The following SHISA9 variants were observed in gnomAD, a reference collection of about 807,000 sequenced individuals.
The protein encoded by SHISA9 is shisa family member 9, also known as protein shisa-9.
A neutral mutation model predicts 38.0 loss-of-function variants in SHISA9; 13 were observed. The observed-to-expected ratio is 0.34, with a 90% CI of 0.22 to 0.54. The LOEUF (loss-of-function observed/expected upper bound fraction) is 0.54. Among genes scored for constraint, SHISA9 ranks in the 20% least tolerant of loss-of-function variants. SHISA9 has a pLI of 0.91. For missense variants in SHISA9, 538 were observed against 575.8 expected, an observed-to-expected ratio of 0.93 and a Z score of 0.67; for synonymous variants, 275 against 242.0, an observed-to-expected ratio of 1.14 and a Z score of -1.27.
the SHISA9 span, among the ~76,000 whole-genome samples, chr16:13,556,962 G>T: frequency 6.6e-6 from 1 of 152,152 alleles, no homozygotes; most frequent in South Asian, 2.1e-4. Flanking sequence ...AACATTTGTG[G>T]ATTTTGATAT....
At chr16:13,326,149 G>C in the SHISA9 span, among the ~76,000 whole-genome samples, 1 of 151,460 alleles carries the variant, frequency 6.6e-6, no homozygotes, top group African/African-American at 2.4e-5. Flanking sequence ...TAATCAGACA[G>C]AGAGAGAAAA....
the SHISA9 span, among the ~76,000 whole-genome samples, chr16:13,538,113 G>A: frequency 2.4e-4 from 36 of 152,132 alleles, no homozygotes; most frequent in African/African-American, 8.2e-4. Flanking sequence ...TGTTATCTGC[G>A]ATCTACTAGA....
chr16:12,975,664 G>C (rs558512741), intron 2 of SHISA9, among the ~76,000 whole-genome samples: 1 of 139,804 alleles, frequency 7.2e-6, no homozygotes, highest in Non-Finnish European at 1.6e-5. Flanking sequence ...GGCGGGGGGG[G>C]TAAGGGCATG....
At chr16:13,081,824 C>T (rs1476480745) in intron 2 of SHISA9, among the ~76,000 whole-genome samples, 1 of 150,524 alleles carries the variant, frequency 6.6e-6, no homozygotes, top group African/African-American at 2.5e-5. Flanking sequence ...TGCACTCCAA[C>T]CTGGGTGATA....
chr16:12,909,297 T>A (rs1324731889), intron 1 of SHISA9: 2 of 985,224 alleles, frequency 2.0e-6, no homozygotes. Flanking sequence ...TGTCTATACC[T>A]GTGTAATCAT....
intron 2 of SHISA9, among the ~76,000 whole-genome samples, chr16:12,976,678 C>T (rs1032551534): frequency 5.1e-4 from 77 of 150,764 alleles, no homozygotes; most frequent in African/African-American, 1.6e-3. Flanking sequence ...CTTTCTATTT[C>T]GAGTGTGCCT....
At chr16:13,450,042 G>T in the SHISA9 span, among the ~76,000 whole-genome samples, 5 of 152,092 alleles carry the variant, frequency 3.3e-5, no homozygotes, top group African/African-American at 1.2e-4. Flanking sequence ...GCTTGAACCT[G>T]GGAGGTGGAG....
At chr16:12,915,697 C>G (rs1252961664) in intron 1 of SHISA9, among the ~76,000 whole-genome samples, 1 of 152,148 alleles carries the variant, frequency 6.6e-6, no homozygotes, top group Non-Finnish European at 1.5e-5. Flanking sequence ...TGACGGAATA[C>G]TATGCAGCGG....
chr16:13,127,221 G>A (rs2050267784), intron 2 of SHISA9, among the ~76,000 whole-genome samples: 1 of 139,666 alleles, frequency 7.2e-6, no homozygotes. Context: ...GGGAAAGAGA[G>A]GGAGGGGGAG....
chr16:13,379,677 T>C, the SHISA9 span, among the ~76,000 whole-genome samples: 148,675 of 152,332 alleles, frequency 0.98, 72,561 homozygotes, highest in East Asian at 1. Context: ...GCACATGGTA[T>C]TTCGAATTCC....
intron 2 of SHISA9, among the ~76,000 whole-genome samples, chr16:13,054,874 G>A (rs1596615467): frequency 6.6e-6 from 1 of 152,262 alleles, no homozygotes; most frequent in South Asian, 2.1e-4. Context: ...CGGGGCCTTT[G>A]CACATGCTAT....
chr16:13,147,479 T>C (rs923973170), intron 2 of SHISA9, among the ~76,000 whole-genome samples: 2 of 147,358 alleles, frequency 1.4e-5, no homozygotes, highest in South Asian at 4.4e-4. Context: ...TTTTTTTTTT[T>C]TTTTTTTCCA....
At chr16:13,222,559 T>C (rs796411914) in intron 4 of SHISA9, among the ~76,000 whole-genome samples, 9 of 152,260 alleles carry the variant, frequency 5.9e-5, no homozygotes, top group African/African-American at 2.2e-4. Flanking sequence ...CATGGCCAAA[T>C]GTGGCTTCCA....
At chr16:12,948,218 A>C (rs1186443301) in intron 2 of SHISA9, among the ~76,000 whole-genome samples, 1 of 152,228 alleles carries the variant, frequency 6.6e-6, no homozygotes, top group Non-Finnish European at 1.5e-5. Flanking sequence ...TCAGGGTCAT[A>C]GAACTTGAAA....
the SHISA9 span, among the ~76,000 whole-genome samples, chr16:13,498,686 G>A: frequency 2.0e-5 from 3 of 152,298 alleles, no homozygotes; most frequent in African/African-American, 4.8e-5. Context: ...GAACATGGGA[G>A]GTGGAGGTTG....
intron 2 of SHISA9, among the ~76,000 whole-genome samples, chr16:13,109,301 C>T (rs144743238): frequency 3.9e-5 from 6 of 152,222 alleles, no homozygotes; most frequent in Non-Finnish European, 7.4e-5. Context: ...GCTGGAACTG[C>T]GGGCAGGCAT....
chr16:13,235,799 T>A lies in SHISA9; in HGVS notation c.*390T>A, dbSNP rs1222974807. On this transcript the variant is annotated 3_prime_UTR_variant, in exon 5 of 5. Transcript: ENST00000558583. Reference sequence around the variant, plus strand: ...GCACAATTTAGAGAAATTGTCCATTTGAGCACATACACTACTTGCCACGTG... The same window carrying A: ...GCACAATTTAGAGAAATTGTCCATTAGAGCACATACACTACTTGCCACGTG... The A allele has an allele frequency of 4.9e-6, 1 of 202,518 alleles. No individual in the cohort carries two copies. Among genetic ancestry groups the A allele is most frequent in the Non-Finnish European group, 9.9e-6 (1 of 100,760 alleles). The allele number at this position is 202,518 out of a possible 1,614,324, so 12.5% of individuals were successfully genotyped here. A position where few individuals can be genotyped will look rare whatever the true frequency, so the allele number is the denominator to read the frequency against.
the SHISA9 span, among the ~76,000 whole-genome samples, chr16:13,262,664 G>GGAAGGAAGGAAGGAAGGAAA: frequency 5.3e-5 from 6 of 114,134 alleles, no homozygotes; most frequent in African/African-American, 1.7e-4. Context: ...AAGGAAGGAA[G>GGAAGGAAGGAAGGAAGGAAA]GAAGGAAGGG....
chr16:13,235,356 C>T lies in SHISA9; in HGVS notation c.1222C>T (p.Pro408Ser). 1 of 1,542,540 alleles carries T rather than the reference C, an allele frequency of 6.5e-7. No homozygotes were observed. The highest frequency in any genetic ancestry group is 8.7e-7 in the Non-Finnish European group (1 of 1,146,980). ...DPLGTRPQHY[P>S]PPQPYFITNS... Reference sequence around the variant, plus strand: ...CTTGGGAACTCGCCCCCAGCACTACCCACCCCCACAGCCATACTTCATCAC... The same window carrying T: ...CTTGGGAACTCGCCCCCAGCACTACTCACCCCCACAGCCATACTTCATCAC... The change falls in exon 5 of 5, where the codon CCA becomes TCA. Residue 408 changes from proline to serine, a missense_variant. Pro to Ser is a moderately conservative substitution (Grantham distance 74). This residue lies in a region of SHISA9 where 326 missense variants were observed against 305.9 expected (regional missense o/e 1.07). Transcript: ENST00000558583.
Sources: allele counts gnomAD v4.1 joint callset (sites outside exome capture counted in the v4.1 genomes callset), GRCh38; gene constraint gnomAD v4.1.1; regional missense constraint gnomAD v4.1.1; transcripts MANE v1.5; gene names NCBI Gene and HGNC (gene_info 2026-07-23, HGNC 2026-07-21).